Variants in KMT5C observed in about 807,000 individuals in gnomAD.
KMT5C encodes the protein lysine methyltransferase 5C, also known as histone-lysine N-methyltransferase KMT5C.
In KMT5C, 16 loss-of-function variants were observed where a neutral mutation model predicts 38.2. The observed-to-expected ratio is 0.42, with a 90% confidence interval of 0.28 to 0.64. KMT5C has a LOEUF of 0.64. Among genes scored for constraint, KMT5C ranks in the 30% least tolerant of loss-of-function variants. The probability of loss-of-function intolerance (pLI) is 0.23; values close to 1 mark genes in which losing one functional copy is unlikely to be tolerated. For missense variants in KMT5C, 598 were observed against 665.1 expected (o/e 0.90, Z 1.11); for synonymous variants, 291 against 279.0 (o/e 1.04, Z -0.43).
In KMT5C at chr19:55,342,331, G is replaced by C. The variant is rs556445735; in HGVS notation, c.227G>C (p.Arg76Pro). Residue 76 changes from arginine to proline, a missense_variant, in exon 3 of 9, where the codon CGC (arginine) becomes CCC (proline). Physicochemically the swap from Arg to Pro is moderately radical, Grantham distance 103. Around this residue, in one of 3 missense-constraint regions of KMT5C, gnomAD observed 167 missense variants for 187.8 expected, o/e 0.89. Transcript: ENST00000255613. ...RALTLGGWTARYFQSRGPRQE... is the reference protein window; with the variant it reads ...RALTLGGWTAPYFQSRGPRQE... ...CTGACGCTGGGAGGCTGGACGGCCC[G>C]CTACTTCCAGAGCCGGGGCCCGCGG... 1.3e-6 allele frequency: 2 copies of C among 1,564,500 alleles called. No homozygotes were observed.
In KMT5C at chr19:55,347,352, A is replaced by G. The variant is rs369956214; in HGVS notation, c.1292A>G (p.Gln431Arg). The change falls in exon 9 of 9, where the codon CAG becomes CGG. Residue 431 changes from glutamine (Q) to arginine (R), a missense_variant. Around this residue, in one of 3 missense-constraint regions of KMT5C, gnomAD observed 326 missense variants for 298.1 expected, o/e 1.09. Transcript: ENST00000255613. This position sits in a 1 kb window ranked among gnomAD's most constrained non-coding sequence, Gnocchi z 4.6. ...CCAGGCCCCATCCTGATCCCGAAGC[A>G]GGCCCTCGCCTTCGCCCCCTTCTCC... ...GTPGPILIPKQALAFAPFSPP... is the reference protein window; with the variant it reads ...GTPGPILIPKRALAFAPFSPP... 4.4e-6 allele frequency: 7 copies of G among 1,580,056 alleles called. No homozygotes were observed. Among genetic ancestry groups the G allele is most frequent in the South Asian group, 3.4e-5 (3 of 87,248 alleles).
At position 55,343,710 on chromosome 19, in the gene KMT5C, G is replaced by T; in HGVS notation, c.417G>T (p.Val139=). Residue 139 remains valine (V), a synonymous_variant, in exon 5 of 9, where the codon GTG becomes GTT. Coordinates refer to ENST00000255613, the MANE Select transcript of KMT5C (RefSeq NM_032701.4). This position sits in a 1 kb window ranked among gnomAD's most constrained non-coding sequence, Gnocchi z 5.5. ...WKKNEKLELL[V]GCIAELREAD... Reference sequence around the variant, plus strand: ...AGAATGAGAAGCTGGAGCTGCTGGTGGGCTGCATTGCAGAGCTGCGGGAGG... The same window carrying T: ...AGAATGAGAAGCTGGAGCTGCTGGTTGGCTGCATTGCAGAGCTGCGGGAGG... 3.2e-6 allele frequency: 5 copies of T among 1,565,738 alleles called. No individual in the cohort carries two copies. The highest frequency in any genetic ancestry group is 4.3e-6 in the Non-Finnish European group (5 of 1,154,870).
At position 55,347,410 on chromosome 19, in the gene KMT5C, C is replaced by T. The variant is rs749389891; in HGVS notation, c.1350C>T (p.His450=). The part of the protein sequence containing the change: ...PPKRLRLVVS[H]GSIDLDVGGE... The stretch of plus-strand genomic sequence containing the variant: ...AGCGCCTACGGCTGGTGGTCAGCCA[C>T]GGCTCCATCGACCTGGATGTCGGCG... The change falls in exon 9 of 9, where the codon CAC becomes CAT. Residue 450 remains histidine (H), a synonymous_variant. Coordinates refer to ENST00000255613, the MANE Select transcript of KMT5C (RefSeq NM_032701.4). This position sits in a 1 kb window ranked among gnomAD's most constrained non-coding sequence, Gnocchi z 4.6. The T allele has an allele frequency of 7.0e-6, 11 of 1,564,940 alleles. No homozygotes were observed. The highest frequency in any genetic ancestry group is 4.1e-5 in the African/African-American group (3 of 73,642).
intron 6 of KMT5C, among the ~76,000 whole-genome samples, chr19:55,345,782 T>G (rs1360159592): frequency 1.3e-5 from 2 of 152,086 alleles, no homozygotes; most frequent in African/African-American, 4.8e-5. Context: ...GAGGCAGGCC[T>G]CAGAGAAGCG....
intron 6 of KMT5C, chr19:55,345,935 G>T (rs1051701366): frequency 1.6e-5 from 8 of 495,654 alleles, no homozygotes; most frequent in African/African-American, 1.6e-4. Context: ...GGAGGGAGTG[G>T]TCACCACTGC....
chr19:55,346,859 G>T, intron 8 of KMT5C, 97 bp from the exon 9 acceptor site: 1 of 784,288 alleles, frequency 1.3e-6, no homozygotes. Context: ...GGAGCGCAGG[G>T]CAGGGCTGCC....
intron 6 of KMT5C, 111 bp from the exon 7 acceptor site, chr19:55,346,102 G>A: frequency 7.5e-7 from 1 of 1,329,462 alleles, no homozygotes; most frequent in South Asian, 1.3e-5. Flanking sequence ...CTCAGCTGTT[G>A]CCCCATTCCA....
At chr19:55,342,083 T>C in intron 2 of KMT5C, 37 bp downstream of exon 2, 1 of 1,578,886 alleles carries the variant, frequency 6.3e-7, no homozygotes, top group Non-Finnish European at 8.7e-7. Flanking sequence ...GCCCGAGGGG[T>C]CAGGACCCCT....
rs1039543540 is a variant in KMT5C at position 55,347,521 on chromosome 19, A to T, written c.*72A>T. 2.0e-6 allele frequency: 3 copies of T among 1,472,424 alleles called. No homozygotes were observed. The highest frequency in any genetic ancestry group is 2.8e-5 in the African/African-American group (2 of 70,466). 91.2% of individuals were successfully genotyped at this position (1,472,424 alleles called of 1,614,324 possible). ...GCTGCTACCCAGGACCTCCAGAAGG[A>T]GCCCTTGGACCTCTGGGAGGGAGCT... On this transcript the variant is annotated 3_prime_UTR_variant, in exon 9 of 9. Coordinates refer to ENST00000255613, the MANE Select transcript of KMT5C (RefSeq NM_032701.4). This position sits in a 1 kb window ranked among gnomAD's most constrained non-coding sequence, Gnocchi z 4.6.
At chr19:55,344,327 A>G (rs1030738918) in intron 6 of KMT5C, 24 of 276,766 alleles carry the variant, frequency 8.7e-5, no homozygotes, top group Non-Finnish European at 1.1e-4. Flanking sequence ...GCGCCACTGC[A>G]CTCCAGCCTG....
In KMT5C at chr19:55,346,206, C is replaced by T; in HGVS notation, c.571-7C>T. ...GGGCCAGGGCGCTGAGTGGGCTTGG[C>T]CCTCAGTTTGTGCCTGCAGATGGGA... On this transcript the variant is annotated splice_region_variant and splice_polypyrimidine_tract_variant and intron_variant, in intron 6 of 8. Transcript: ENST00000255613. 1.2e-6 allele frequency: 2 copies of T among 1,613,570 alleles called. No individual in the cohort carries two copies. Among genetic ancestry groups the T allele is most frequent in the Non-Finnish European group, 8.5e-7 (1 of 1,179,878 alleles).
chr19:55,345,986 C>T (rs1381884078), intron 6 of KMT5C: 1 of 587,616 alleles, frequency 1.7e-6, no homozygotes, highest in East Asian at 2.9e-5. Flanking sequence ...AGATCATCGT[C>T]CTGCAGGGAG....
chr19:55,341,876 G>A lies in KMT5C; in HGVS notation c.-61G>A, dbSNP rs2089561081. 2.9e-6 allele frequency: 4 copies of A among 1,361,542 alleles called. No individual in the cohort carries two copies. Among genetic ancestry groups the A allele is most frequent in the African/African-American group, 2.9e-5 (2 of 69,978 alleles). The allele number at this position is 1,361,542 out of a possible 1,614,324, so 84.3% of individuals were successfully genotyped here. ...GTCAGCACCAAGCCAGGCTCCCCGC[G>A]CCTGCCTTGCCCTCACCTGCTCCTG... On this transcript the variant is annotated 5_prime_UTR_variant, in exon 2 of 9. Transcript: ENST00000255613.
rs754320228 is a variant in KMT5C, at chr19:55,342,800, C to G, written c.335C>G (p.Thr112Arg). The change falls in exon 4 of 9, where the codon ACG becomes AGG. Residue 112 changes from threonine to arginine, a missense_variant. This residue lies in a region of KMT5C where 167 missense variants were observed against 187.8 expected (regional missense o/e 0.89). Coordinates refer to ENST00000255613, the MANE Select transcript of KMT5C (RefSeq NM_032701.4). ...PESGFTILPC[T>R]RYSMETNGAK... ...AGTGGCTTTACCATCCTGCCCTGCA[C>G]GCGCTACTCCATGGAGACCAACGGG... 1.2e-6 allele frequency: 2 copies of G among 1,613,518 alleles called. No individual in the cohort carries two copies. Among genetic ancestry groups the G allele is most frequent in the African/African-American group, 1.3e-5 (1 of 74,988 alleles).
In KMT5C at chr19:55,342,039, A is replaced by C; in HGVS notation, c.103A>C (p.Asn35His). ...PYLGFRTHKM[N>H]VSPVPPLRRQ... is the part of the protein sequence containing the mutation. Reference sequence around the variant, plus strand: ...CCTCGGTTTCCGCACCCATAAGATGAACGTCAGGTGAGGTGGCCTGGGGGC... The same window carrying C: ...CCTCGGTTTCCGCACCCATAAGATGCACGTCAGGTGAGGTGGCCTGGGGGC... The change falls in exon 2 of 9, where the codon AAC becomes CAC. Residue 35 changes from asparagine to histidine, a missense_variant. By Grantham distance (68) the Asn-to-His change is moderately conservative. Transcript: ENST00000255613. The C allele has an allele frequency of 6.2e-7, 1 of 1,613,022 alleles. No homozygotes were observed. Among genetic ancestry groups the C allele is most frequent in the Non-Finnish European group, 8.5e-7 (1 of 1,179,326 alleles).
rs1035003758 is a variant in KMT5C, at chr19:55,346,137, G to A, written c.571-76G>A. On this transcript the variant is annotated intron_variant, in intron 6 of 8. Transcript: ENST00000255613. ...AGGAGAGGACGCTCCGGGCCAGGGT[G>A]CCCGGCCAGGTGTGGGGAGTGGGTG... 9.6e-6 allele frequency: 15 copies of A among 1,570,540 alleles called. No individual in the cohort carries two copies. In the African/African-American group the frequency reaches 1.9e-4, roughly 20 times the overall value.
At position 55,346,665 on chromosome 19, in the gene KMT5C, G is replaced by A. The variant is rs201014085; in HGVS notation, c.873G>A (p.Pro291=). ...CTCGGGCCTGCGTGCACCCATCCCC[G>A]CTGCGCCGGGACCCATTCTGCGGTG... The part of the protein sequence containing the change: ...LGPRACVHPS[P]LRRDPFCAAC... The change falls in exon 8 of 9, where the codon CCG becomes CCA. Residue 291 remains proline, a synonymous_variant. Coordinates refer to ENST00000255613, the MANE Select transcript of KMT5C (RefSeq NM_032701.4). The A allele has an allele frequency of 6.4e-6, 10 of 1,570,776 alleles. No homozygotes were observed. Among genetic ancestry groups the A allele is most frequent in the African/African-American group, 5.4e-5 (4 of 74,068 alleles).
chr19:55,346,117 A>C lies in KMT5C; in HGVS notation c.571-96A>C, dbSNP rs537937094. ...CTCAGCTGTTGCCCCATTCCAGGAG[A>C]GGACGCTCCGGGCCAGGGTGCCCGG... is the stretch of plus-strand genomic sequence containing the variant. On this transcript the variant is annotated intron_variant, in intron 6 of 8. Coordinates refer to ENST00000255613, the MANE Select transcript of KMT5C (RefSeq NM_032701.4). 17 of 1,473,362 alleles carry C rather than the reference A, an allele frequency of 1.2e-5. No homozygotes were observed. The South Asian group carries it at 1.9e-4, about 17-fold the overall frequency. 91.3% of individuals were successfully genotyped at this position (1,473,362 alleles called of 1,614,324 possible). A position where few individuals can be genotyped will look rare whatever the true frequency, so the allele number is the denominator to read the frequency against.
intron 4 of KMT5C, 136 bp downstream of exon 4, chr19:55,342,987 G>C: frequency 1.5e-6 from 1 of 655,278 alleles, no homozygotes. Context: ...TAGGAAGGTG[G>C]TGGGGCTAAT....
Sources: allele counts gnomAD v4.1 joint callset (sites outside exome capture counted in the v4.1 genomes callset), GRCh38; gene constraint gnomAD v4.1.1; regional missense constraint gnomAD v4.1.1; non-coding constraint Gnocchi (gnomAD v3.1); transcripts MANE v1.5; gene names NCBI Gene and HGNC (gene_info 2026-07-23, HGNC 2026-07-21).